ACCSL: variants seen among roughly 807,000 people sequenced by gnomAD.
ACCSL encodes the protein probable inactive 1-aminocyclopropane-1-carboxylate synthase-like protein 2.
In ACCSL, 55 loss-of-function variants were observed where a neutral mutation model predicts 61.7. That is an observed-to-expected ratio of 0.89 (90% CI 0.72 to 1.12). ACCSL has a LOEUF of 1.12. ACCSL is among the 50% of genes most tolerant of loss of function. The probability of loss-of-function intolerance (pLI) is 0.00; values close to 1 mark genes in which losing one functional copy is unlikely to be tolerated. For synonymous variants in ACCSL, 258 were observed against 264.3 expected, an observed-to-expected ratio of 0.98 and a Z score of 0.23; for missense variants, 632 against 698.0, an observed-to-expected ratio of 0.91 and a Z score of 1.07.
chr11:44,031,793 G>C, the ACCSL span, among the ~76,000 whole-genome samples: 1 of 152,170 alleles, frequency 6.6e-6, no homozygotes, highest in Non-Finnish European at 1.5e-5. Flanking sequence ...CTCATTTATT[G>C]GCTGGGGGCA....
chr11:43,925,894 AC>A, the ACCSL span, among the ~76,000 whole-genome samples: 2 of 152,050 alleles, frequency 1.3e-5, no homozygotes, highest in Non-Finnish European at 2.9e-5. Flanking sequence ...CCTGACAGTA[AC>A]CCACTTAGTA....
the ACCSL span, among the ~76,000 whole-genome samples, chr11:43,929,587 A>G: frequency 6.6e-6 from 1 of 151,906 alleles, no homozygotes; most frequent in African/African-American, 2.4e-5. Flanking sequence ...TTGTATTTTT[A>G]GTAGAGATGG....
At chr11:44,007,973 A>C in the ACCSL span, among the ~76,000 whole-genome samples, 451 of 152,224 alleles carry the variant, frequency 3.0e-3, 5 homozygotes, top group African/African-American at 0.01. Flanking sequence ...ACTGGAGTGC[A>C]GGAAGAGGGT....
the ACCSL span, among the ~76,000 whole-genome samples, chr11:43,972,878 C>T: frequency 2.6e-5 from 4 of 152,214 alleles, no homozygotes; most frequent in African/African-American, 9.6e-5. Flanking sequence ...TTTGAGGCCT[C>T]ACACCTGTAA....
chr11:43,989,238 TCA>T, the ACCSL span, among the ~76,000 whole-genome samples: 1 of 152,196 alleles, frequency 6.6e-6, no homozygotes, highest in Non-Finnish European at 1.5e-5. Context: ...TCTCTGAGCC[TCA>T]GTTTTCTCAC....
At chr11:43,975,208 C>G in the ACCSL span, among the ~76,000 whole-genome samples, 2 of 152,088 alleles carry the variant, frequency 1.3e-5, no homozygotes, top group Non-Finnish European at 2.9e-5. Flanking sequence ...GAGAGAAAAT[C>G]CATATTATGT....
chr11:43,943,267 C>T, the ACCSL span: 1 of 1,497,308 alleles, frequency 6.7e-7, no homozygotes, highest in Non-Finnish European at 8.9e-7. This position sits in a 1 kb window ranked among gnomAD's most constrained non-coding sequence, Gnocchi z 4.8. Flanking sequence ...CCGACTCGGC[C>T]CTGTAAGGGG....
chr11:44,004,195 G>A, the ACCSL span, among the ~76,000 whole-genome samples: 1 of 151,928 alleles, frequency 6.6e-6, no homozygotes, highest in Non-Finnish European at 1.5e-5. Flanking sequence ...AGGTGAAGGG[G>A]GGGGATGTGT....
At chr11:44,015,736 A>T in the ACCSL span, among the ~76,000 whole-genome samples, 3 of 152,176 alleles carry the variant, frequency 2.0e-5, no homozygotes, top group African/African-American at 7.2e-5. Context: ...ATGGTGTACT[A>T]GAAAGAGCCT....
intron 8 of ACCSL, 75 bp from the exon 9 acceptor site, chr11:44,055,127 C>G (rs1354530307): frequency 5.7e-6 from 6 of 1,051,302 alleles, no homozygotes; most frequent in Non-Finnish European, 2.8e-6. Context: ...TACAAAGATG[C>G]TTGTAAAAAG....
chr11:43,943,050 G>A, the ACCSL span: 1 of 1,497,972 alleles, frequency 6.7e-7, no homozygotes, highest in Non-Finnish European at 8.9e-7. This position sits in a 1 kb window ranked among gnomAD's most constrained non-coding sequence, Gnocchi z 4.8. Flanking sequence ...CGGCGGCCGC[G>A]CCAGTCTCGC....
the ACCSL span, among the ~76,000 whole-genome samples, chr11:44,033,275 C>T: frequency 2.6e-5 from 4 of 152,118 alleles, no homozygotes; most frequent in Admixed American, 1.3e-4. Context: ...TTTGCCTGGC[C>T]ACGTGGTCTG....
the ACCSL span, chr11:43,943,973 A>G: frequency 1.3e-6 from 1 of 785,264 alleles, no homozygotes; most frequent in East Asian, 6.6e-5. The surrounding 1 kb of genome is among the most constrained non-coding windows in gnomAD (Gnocchi z 4.8). Flanking sequence ...GGGATGTCGG[A>G]CCAGGGAGCC....
chr11:44,023,267 T>C, the ACCSL span, among the ~76,000 whole-genome samples: 6 of 151,968 alleles, frequency 3.9e-5, no homozygotes, highest in Non-Finnish European at 7.4e-5. Flanking sequence ...TGCCTAGGCT[T>C]GTCTTGAACT....
the ACCSL span, among the ~76,000 whole-genome samples, chr11:44,014,359 G>A: frequency 2.6e-5 from 4 of 152,090 alleles, no homozygotes; most frequent in Non-Finnish European, 4.4e-5. Context: ...GGCAGGCGGC[G>A]ATGCCTCATC....
At chr11:43,966,218 G>A in the ACCSL span, among the ~76,000 whole-genome samples, 1 of 152,198 alleles carries the variant, frequency 6.6e-6, no homozygotes, top group Non-Finnish European at 1.5e-5. Context: ...CTGAGGTCAG[G>A]AGTTCAAGAC....
the ACCSL span, chr11:44,001,274 C>T: frequency 4.0e-5 from 6 of 151,576 alleles, no homozygotes; most frequent in East Asian, 5.9e-4. Flanking sequence ...GTTATTTGTA[C>T]GCAAAATGAA....
At chr11:43,965,645 G>C in the ACCSL span, among the ~76,000 whole-genome samples, 5 of 152,080 alleles carry the variant, frequency 3.3e-5, no homozygotes. Context: ...AAGGCACCCT[G>C]AATAGATAAA....
the ACCSL span, among the ~76,000 whole-genome samples, chr11:44,025,643 T>C: frequency 6.6e-6 from 1 of 152,322 alleles, no homozygotes; most frequent in East Asian, 1.9e-4. Context: ...TGATTACTTA[T>C]ACTCTATATT....
Sources: gnomAD v4.1 joint callset for allele counts (sites outside exome capture counted in the v4.1 genomes callset) on GRCh38, gnomAD v4.1.1 for gene constraint, Gnocchi (gnomAD v3.1) non-coding constraint, MANE v1.5 for transcripts, NCBI Gene and HGNC (gene_info 2026-07-23, HGNC 2026-07-21) for gene names.